The following PNLDC1 variants were observed in gnomAD, a reference collection of about 807,000 sequenced individuals.
PNLDC1 encodes the protein poly(A)-specific ribonuclease PNLDC1.
Under a neutral mutation model 82.0 loss-of-function variants are expected in PNLDC1, and 70 were observed. That is an observed-to-expected ratio of 0.85 (90% CI 0.70 to 1.04). PNLDC1 has a LOEUF of 1.04. PNLDC1 is among the 50% of genes least tolerant of loss of function. The probability of loss-of-function intolerance (pLI) is 0.00; values close to 1 mark genes in which losing one functional copy is unlikely to be tolerated. For synonymous variants in PNLDC1, 280 were observed against 249.3 expected (o/e 1.12, Z -1.16); for missense variants, 631 against 661.1 (o/e 0.95, Z 0.50).
chr6:159,808,381 T>C (rs1437782705), intron 7 of PNLDC1, among the ~76,000 whole-genome samples: 1 of 152,232 alleles, frequency 6.6e-6, no homozygotes, highest in Non-Finnish European at 1.5e-5. Flanking sequence ...TTATAAGTGT[T>C]ATTTTTGTTC....
At chr6:159,813,526 C>A in intron 11 of PNLDC1, 75 bp from the exon 12 acceptor site, 1 of 1,333,096 alleles carries the variant, frequency 7.5e-7, no homozygotes, top group Non-Finnish European at 1.1e-6. Flanking sequence ...TTTTAATGAC[C>A]ATTTGGTACT....
chr6:159,800,597 G>A, intron 1 of PNLDC1, 175 bp from the exon 2 acceptor site: 2 of 1,535,252 alleles, frequency 1.3e-6, no homozygotes, highest in Non-Finnish European at 1.8e-6. Context: ...AGCCCCGTGC[G>A]CCCAGGTGCC....
chr6:159,810,051 T>A lies in PNLDC1; in HGVS notation c.809T>A (p.Met270Lys). Residue 270 changes from methionine to lysine, a missense_variant, in exon 10 of 19, where the codon ATG (methionine) becomes AAG (lysine). Physicochemically the swap from Met to Lys is moderately conservative, Grantham distance 95. Transcript: ENST00000392167. ...CCCTTAGTGGGACATAATATGATGA[T>A]GGACCTGCTGCACCTCCATGAGAAG... ...QKPLVGHNMM[M>K]DLLHLHEKFF... The A allele has an allele frequency of 6.2e-7, 1 of 1,614,150 alleles. No homozygotes were observed. Among genetic ancestry groups the A allele is most frequent in the Non-Finnish European group, 8.5e-7 (1 of 1,179,968 alleles).
At chr6:159,814,762 T>C (rs1337963932) in intron 12 of PNLDC1, among the ~76,000 whole-genome samples, 2 of 152,140 alleles carry the variant, frequency 1.3e-5, no homozygotes, top group Non-Finnish European at 2.9e-5. Context: ...TTACTTAATC[T>C]CTCTGTGCCT....
At chr6:159,818,816 G>A (rs1054904172) in intron 16 of PNLDC1, 130 bp from the exon 17 acceptor site, 6 of 1,232,052 alleles carry the variant, frequency 4.9e-6, no homozygotes, top group Non-Finnish European at 5.7e-6. Context: ...AGCCAACATG[G>A]ACTCATCCTT....
At chr6:159,811,930 T>C in intron 11 of PNLDC1, 144 bp downstream of exon 11, 1 of 668,172 alleles carries the variant, frequency 1.5e-6, no homozygotes, top group Non-Finnish European at 2.5e-6. Context: ...GAGGGAGTCT[T>C]GCTCTCAAAG....
At chr6:159,809,240 C>A (rs1781563859) in intron 9 of PNLDC1, 82 bp downstream of exon 9, 2 of 1,522,694 alleles carry the variant, frequency 1.3e-6, no homozygotes, top group Admixed American at 4.3e-5. Context: ...CCTTCAACAA[C>A]AAGATAAAAT....
In PNLDC1 at chr6:159,810,034, G is replaced by A. The variant is rs1425447907; in HGVS notation, c.792G>A (p.Val264=). The A allele has an allele frequency of 3.7e-6, 6 of 1,613,710 alleles. No homozygotes were observed. The highest frequency in any genetic ancestry group is 5.1e-6 in the Non-Finnish European group (6 of 1,179,780). Residue 264 remains valine, a synonymous_variant, in exon 10 of 19, where the codon GTG becomes GTA. Transcript: ENST00000392167. ...TGATTTACTCCAAGTAGCCCTTAGTGGGACATAATATGATGATGGACCTGC... is the reference window on the plus strand; with the variant it reads ...TGATTTACTCCAAGTAGCCCTTAGTAGGACATAATATGATGATGGACCTGC... The part of the protein sequence containing the change: ...QMLVKAQKPL[V]GHNMMMDLLH...
chr6:159,805,869 T>C (rs1410762409), intron 6 of PNLDC1, 114 bp from the exon 7 acceptor site: 7 of 747,082 alleles, frequency 9.4e-6, no homozygotes, highest in Non-Finnish European at 1.7e-5. Context: ...ACATTTTCTT[T>C]GTATATTGCA....
chr6:159,810,074 A>G lies in PNLDC1; in HGVS notation c.832A>G (p.Lys278Glu). ...GATGGACCTGCTGCACCTCCATGAG[A>G]AGTTCTTCAGACCCCTCCCAGGTAG... ...MMMDLLHLHE[K>E]FFRPLPESYD... Residue 278 changes from lysine to glutamate, a missense_variant, in exon 10 of 19, where the codon AAG becomes GAG. Transcript: ENST00000392167. 1 of 1,614,082 alleles carries G rather than the reference A, an allele frequency of 6.2e-7. No individual in the cohort carries two copies. The highest frequency in any genetic ancestry group is 8.5e-7 in the Non-Finnish European group (1 of 1,179,960).
intron 7 of PNLDC1, among the ~76,000 whole-genome samples, chr6:159,808,058 C>A (rs1005622712): frequency 1.3e-5 from 2 of 152,064 alleles, no homozygotes; most frequent in African/African-American, 4.8e-5. Flanking sequence ...GGATTACAGG[C>A]ATCTGCCACC....
At chr6:159,802,274 T>C (rs966371652) in intron 3 of PNLDC1, among the ~76,000 whole-genome samples, 10 of 152,206 alleles carry the variant, frequency 6.6e-5, no homozygotes, top group Non-Finnish European at 1.5e-4. Context: ...GATTTTACTT[T>C]TCTGGGTTTG....
At chr6:159,800,571 G>T in intron 1 of PNLDC1, 188 bp downstream of exon 1, 2 of 1,433,572 alleles carry the variant, frequency 1.4e-6, no homozygotes, top group Admixed American at 3.7e-5. Flanking sequence ...CGAGCCCCAC[G>T]TCCCTTGTTG....
rs1012442002 is a variant in PNLDC1, at chr6:159,819,433, C to T, written c.1532+81C>T. 151 of 1,235,268 alleles carry T rather than the reference C, an allele frequency of 1.2e-4. No homozygotes were observed. Among genetic ancestry groups the T allele is most frequent in the Middle Eastern group, 2.2e-4 (1 of 4,564 alleles). The allele number at this position is 1,235,268 out of a possible 1,614,324, so 76.5% of individuals were successfully genotyped here. The stretch of plus-strand genomic sequence containing the variant: ...CCCAGCATCCCAGCATGGTCTGACT[C>T]GAGCACAGCTCACTTGCTGGTGTGT... On this transcript the variant is annotated intron_variant, in intron 18 of 18. Transcript: ENST00000392167. This position sits in a 1 kb window ranked among gnomAD's most constrained non-coding sequence, Gnocchi z 4.6.
At chr6:159,815,050 GT>G (rs1781768903) in intron 12 of PNLDC1, among the ~76,000 whole-genome samples, 1 of 152,190 alleles carries the variant, frequency 6.6e-6, no homozygotes, top group African/African-American at 2.4e-5. Context: ...TGAAGCAAAG[GT>G]TTCCTTGTCA....
At chr6:159,818,333 T>C (rs1781906431) in intron 15 of PNLDC1, among the ~76,000 whole-genome samples, 2 of 152,168 alleles carry the variant, frequency 1.3e-5, no homozygotes, top group Admixed American at 1.3e-4. Flanking sequence ...CAGCAGATGG[T>C]GACTGTCTGG....
At chr6:159,804,453 T>C in intron 5 of PNLDC1, 96 bp from the exon 6 acceptor site, 1 of 841,054 alleles carries the variant, frequency 1.2e-6, no homozygotes, top group Non-Finnish European at 1.9e-6. Flanking sequence ...ACAGCCCGTC[T>C]CCTTTCCCCT....
chr6:159,802,129 G>A (rs905570690), intron 3 of PNLDC1, among the ~76,000 whole-genome samples: 4 of 152,166 alleles, frequency 2.6e-5, no homozygotes, highest in East Asian at 1.9e-4. Flanking sequence ...TAACGGTTGC[G>A]TAATGCTGTT....
intron 12 of PNLDC1, among the ~76,000 whole-genome samples, chr6:159,815,252 T>TGG (rs938862021): frequency 2.6e-5 from 4 of 152,344 alleles, no homozygotes; most frequent in African/African-American, 9.6e-5. Context: ...AGCCCCTGAG[T>TGG]GGTGTCCCAG....
Sources: allele counts gnomAD v4.1 joint callset (sites outside exome capture counted in the v4.1 genomes callset), GRCh38; gene constraint gnomAD v4.1.1; non-coding constraint Gnocchi (gnomAD v3.1); transcripts MANE v1.5; gene names NCBI Gene and HGNC (gene_info 2026-07-23, HGNC 2026-07-21).